LIMS1: variants seen among roughly 807,000 people sequenced by gnomAD.
The protein encoded by LIMS1 is LIM and senescent cell antigen-like-containing domain protein 1.
A neutral mutation model predicts 44.1 loss-of-function variants in LIMS1; 18 were observed. The observed-to-expected ratio is 0.41, with a 90% confidence interval of 0.28 to 0.61. The LOEUF is 0.61. Ranked by LOEUF, LIMS1 falls within the 20% of genes least tolerant of loss-of-function variation. The pLI, the probability that LIMS1 is intolerant of heterozygous loss-of-function variation, is 0.32. For synonymous variants in LIMS1, 93 were observed against 149.1 expected (o/e 0.62, Z 2.74); for missense variants, 201 against 422.0 (o/e 0.48, Z 4.59).
intron 1 of LIMS1, among the ~76,000 whole-genome samples, chr2:108,595,966 T>A (rs146795481): frequency 0.012 from 1,831 of 151,830 alleles, 43 homozygotes; most frequent in African/African-American, 0.043. Context: ...CTGTGGAGGG[T>A]GGAAGGCTTA....
intron 1 of LIMS1, among the ~76,000 whole-genome samples, chr2:108,607,694 T>A (rs1687348349): frequency 6.6e-6 from 1 of 152,216 alleles, no homozygotes; most frequent in Admixed American, 6.5e-5. Context: ...TTATATCCCT[T>A]AACTTTTCTC....
chr2:108,573,693 G>C (rs1330111331), intron 1 of LIMS1, among the ~76,000 whole-genome samples: 1 of 152,216 alleles, frequency 6.6e-6, no homozygotes, highest in Non-Finnish European at 1.5e-5. Context: ...CCTTGTTGGG[G>C]ATGGTAGAGA....
At chr2:108,625,927 A>G (rs760106138) in intron 1 of LIMS1, among the ~76,000 whole-genome samples, 2 of 152,236 alleles carry the variant, frequency 1.3e-5, no homozygotes, top group Admixed American at 6.5e-5. Context: ...CCTGACTAGT[A>G]CATAACCATT....
intron 1 of LIMS1, among the ~76,000 whole-genome samples, chr2:108,574,675 T>C (rs1573354701): frequency 6.6e-6 from 1 of 152,212 alleles, no homozygotes; most frequent in African/African-American, 2.4e-5. Context: ...TATACCTGTT[T>C]TACAGATGAG....
chr2:108,633,980 C>T (rs1374457607), intron 1 of LIMS1, among the ~76,000 whole-genome samples: 15 of 152,158 alleles, frequency 9.9e-5, no homozygotes, highest in Admixed American at 8.5e-4. Context: ...TGCACACCAC[C>T]GTTCTTTAGA....
chr2:108,612,007 C>CATATATTATATATACACAA (rs1553459840), intron 1 of LIMS1, among the ~76,000 whole-genome samples: 2 of 57,322 alleles, frequency 3.5e-5, no homozygotes, highest in Admixed American at 2.4e-4. Flanking sequence ...TATATACACA[C>CATATATTATATATACACAA]ATATATATAT....
intron 1 of LIMS1, among the ~76,000 whole-genome samples, chr2:108,589,655 C>T (rs1278365213): frequency 6.6e-6 from 1 of 152,150 alleles, no homozygotes; most frequent in Non-Finnish European, 1.5e-5. Context: ...GTAAACTTCC[C>T]TGTTAGCACT....
chr2:108,610,809 C>A (rs1687557815), intron 1 of LIMS1, among the ~76,000 whole-genome samples: 2 of 152,118 alleles, frequency 1.3e-5, no homozygotes, highest in African/African-American at 4.8e-5. Flanking sequence ...GACAGAGATA[C>A]CAGCTCTGTT....
intron 1 of LIMS1, among the ~76,000 whole-genome samples, chr2:108,543,062 A>G (rs890326414): frequency 1.6e-4 from 25 of 152,246 alleles, no homozygotes; most frequent in African/African-American, 5.8e-4. Context: ...TACAGCTGTA[A>G]TAGAGTGAAG....
At chr2:108,543,663 G>A (rs1249558725) in intron 1 of LIMS1, among the ~76,000 whole-genome samples, 1 of 152,146 alleles carries the variant, frequency 6.6e-6, no homozygotes, top group East Asian at 1.9e-4. Flanking sequence ...AAGGTCTCCA[G>A]CACTCAGACC....
In LIMS1 at chr2:108,681,121, T is replaced by C. The variant is rs1442730963; in HGVS notation, c.899+351T>C. 3.9e-6 allele frequency: 5 copies of C among 1,276,454 alleles called. No individual in the cohort carries two copies. In the African/African-American group the frequency reaches 7.7e-5, roughly 20 times the overall value. The allele number at this position is 1,276,454 out of a possible 1,614,324, so 79.1% of individuals were successfully genotyped here. A position where few individuals can be genotyped will look rare whatever the true frequency, so the allele number is the denominator to read the frequency against. On this transcript the variant is annotated intron_variant, in intron 9 of 9. Coordinates refer to ENST00000544547, the Ensembl canonical transcript of LIMS1. ...AAAAAGCCAGTCTGTTTGTAAACTTTTCTATCCCTGTGTCATCATTTTCAC... is the reference window on the plus strand; with the variant it reads ...AAAAAGCCAGTCTGTTTGTAAACTTCTCTATCCCTGTGTCATCATTTTCAC...
rs568839641 is a variant in LIMS1 at position 108,542,847 on chromosome 2, C to T, written c.32+8253C>T. On this transcript the variant is annotated intron_variant, in intron 1 of 9. Coordinates refer to ENST00000544547, the Ensembl canonical transcript of LIMS1. ...ATTAGGCTTTCTTTTCTTGACCTCC[C>T]GGAGAATGCATTGGGTAAGATTCAG... Among the ~76,000 whole-genome samples, 6 of 152,288 alleles carry T rather than the reference C, an allele frequency of 3.9e-5. No individual in the cohort carries two copies. The South Asian group carries it at 1.0e-3, about 26-fold the overall frequency.
chr2:108,545,667 G>A (rs1684459252), intron 1 of LIMS1, among the ~76,000 whole-genome samples: 1 of 152,184 alleles, frequency 6.6e-6, no homozygotes, highest in South Asian at 2.1e-4. Flanking sequence ...TTTGGAAATA[G>A]GTAACTTGTT....
At chr2:108,606,396 T>G (rs1420946035) in intron 1 of LIMS1, among the ~76,000 whole-genome samples, 1 of 152,216 alleles carries the variant, frequency 6.6e-6, no homozygotes, top group African/African-American at 2.4e-5. Flanking sequence ...GCCAGCTGGA[T>G]TCACCAGCAA....
At chr2:108,596,926 T>G (rs577184612) in intron 1 of LIMS1, among the ~76,000 whole-genome samples, 7 of 142,180 alleles carry the variant, frequency 4.9e-5, no homozygotes, top group Admixed American at 1.4e-4. Context: ...TTTTTTTTTT[T>G]TTTTTTTTTT....
At chr2:108,659,522 G>A in intron 1 of LIMS1, 83 bp from the exon 2 acceptor site, 2 of 1,515,436 alleles carry the variant, frequency 1.3e-6, no homozygotes, top group South Asian at 1.2e-5. Flanking sequence ...GATAGAATTT[G>A]CTGCTCGGTT....
chr2:108,591,608 C>T (rs905231019), intron 1 of LIMS1, among the ~76,000 whole-genome samples: 4 of 152,024 alleles, frequency 2.6e-5, no homozygotes, highest in African/African-American at 9.7e-5. Flanking sequence ...TACAGGCACA[C>T]ACCACCATGC....
chr2:108,623,255 C>G lies in LIMS1; in HGVS notation c.33-36350C>G, dbSNP rs376697898. On this transcript the variant is annotated intron_variant, in intron 1 of 9. Coordinates refer to ENST00000544547, the Ensembl canonical transcript of LIMS1. The stretch of plus-strand genomic sequence containing the variant: ...ATCAGCTTAGGTGTATTTTTTTTTA[C>G]CCTAGTTATACTAAGCCTATTTTCA... Among the ~76,000 whole-genome samples, 11 of 151,360 alleles carry G rather than the reference C, an allele frequency of 7.3e-5. No homozygotes were observed. In the East Asian group the frequency reaches 2.1e-3, roughly 29 times the overall value.
chr2:108,668,517 C>T (rs141687041), intron 2 of LIMS1, among the ~76,000 whole-genome samples: 1,990 of 152,300 alleles, frequency 0.013, 27 homozygotes, highest in Middle Eastern at 0.034. Context: ...ACAGGTTCAT[C>T]CATGTCGCCA....
Sources: gnomAD v4.1 joint callset for allele counts (sites outside exome capture counted in the v4.1 genomes callset) on GRCh38, gnomAD v4.1.1 for gene constraint, MANE v1.5 for transcripts, NCBI Gene and HGNC (gene_info 2026-07-23, HGNC 2026-07-21) for gene names.